Variants in MEIS2 observed in about 807,000 individuals in gnomAD.
The protein encoded by MEIS2 is Meis homeobox 2.
In MEIS2, 9 loss-of-function variants were observed where a neutral mutation model predicts 58.6. The observed-to-expected ratio is 0.15, with a 90% CI of 0.09 to 0.27. MEIS2 has a LOEUF of 0.27. MEIS2 is among the 10% of genes least tolerant of loss of function. The probability of loss-of-function intolerance (pLI) is 1.00; values close to 1 mark genes in which losing one functional copy is unlikely to be tolerated. For synonymous variants in MEIS2, 221 were observed against 228.4 expected, an observed-to-expected ratio of 0.97 and a Z score of 0.29; for missense variants, 427 against 635.0, an observed-to-expected ratio of 0.67 and a Z score of 3.52.
chr15:36,900,717 G>A (rs2056424971), intron 9 of MEIS2, among the ~76,000 whole-genome samples: 1 of 152,136 alleles, frequency 6.6e-6, no homozygotes, highest in African/African-American at 2.4e-5. Flanking sequence ...TCTAAACTTG[G>A]TAGCTTTGCA....
At chr15:37,085,406 T>C (rs552136804) in intron 6 of MEIS2, among the ~76,000 whole-genome samples, 4 of 152,330 alleles carry the variant, frequency 2.6e-5, no homozygotes, top group Admixed American at 2.0e-4. Flanking sequence ...ATGGATGATG[T>C]TACCAAAATA....
chr15:37,019,070 A>G (rs1292349019), intron 8 of MEIS2, among the ~76,000 whole-genome samples: 2 of 150,346 alleles, frequency 1.3e-5, no homozygotes, highest in Non-Finnish European at 3.0e-5. Flanking sequence ...TGAGAAGAGA[A>G]AAAGTAATTA....
chr15:37,000,010 G>A (rs2141593348), intron 8 of MEIS2, among the ~76,000 whole-genome samples: 1 of 152,222 alleles, frequency 6.6e-6, no homozygotes, highest in East Asian at 1.9e-4. Flanking sequence ...CCTCCCACAT[G>A]GAAACAAGTT....
rs898440309 is a variant in MEIS2 at position 37,035,241 on chromosome 15, G to A, written c.900+1573C>T. Among the ~76,000 whole-genome samples, 5 of 152,052 alleles carry A rather than the reference G, an allele frequency of 3.3e-5. No homozygotes were observed. In the East Asian group the frequency reaches 9.6e-4, roughly 29 times the overall value. ...GAAACCCCTCCCCTCACAGTCACTC[G>A]ACTTCCAAATTAAAAACATTTTACA... On this transcript the variant is annotated intron_variant, in intron 8 of 11. Coordinates refer to ENST00000561208, the MANE Select transcript of MEIS2 (RefSeq NM_170675.5).
At chr15:37,011,500 G>C (rs2061152335) in intron 8 of MEIS2, among the ~76,000 whole-genome samples, 1 of 151,188 alleles carries the variant, frequency 6.6e-6, no homozygotes, top group African/African-American at 2.4e-5. Context: ...CTGATAATAT[G>C]ATAGAAACTG....
At chr15:36,957,240 A>T (rs2059014887) in intron 8 of MEIS2, among the ~76,000 whole-genome samples, 1 of 152,198 alleles carries the variant, frequency 6.6e-6, no homozygotes. Flanking sequence ...TTTTTTGTGT[A>T]AAGTTGAAAC....
At chr15:37,035,905 T>C (rs1412980539) in intron 8 of MEIS2, among the ~76,000 whole-genome samples, 1 of 152,230 alleles carries the variant, frequency 6.6e-6, no homozygotes, top group Non-Finnish European at 1.5e-5. Flanking sequence ...GACCTTCAGC[T>C]TTCAATGTGC....
intron 7 of MEIS2, among the ~76,000 whole-genome samples, chr15:37,075,561 T>C (rs1028780926): frequency 2.0e-5 from 3 of 152,090 alleles, no homozygotes; most frequent in South Asian, 2.1e-4. Flanking sequence ...GATCAACTTA[T>C]ACATCTTAAA....
chr15:36,992,925 C>T (rs971355137), intron 8 of MEIS2, among the ~76,000 whole-genome samples: 3 of 152,006 alleles, frequency 2.0e-5, no homozygotes, highest in East Asian at 3.9e-4. Context: ...AAAACATAAA[C>T]GAATCCCAAA....
intron 9 of MEIS2, among the ~76,000 whole-genome samples, chr15:36,906,490 G>T (rs2056742828): frequency 6.6e-6 from 1 of 152,082 alleles, no homozygotes; most frequent in East Asian, 1.9e-4. Context: ...ATAAGTCTGA[G>T]AATTTATGTT....
At chr15:37,050,294 G>A (rs2062860485) in intron 7 of MEIS2, among the ~76,000 whole-genome samples, 1 of 152,030 alleles carries the variant, frequency 6.6e-6, no homozygotes, top group East Asian at 1.9e-4. Flanking sequence ...CATATTCTTA[G>A]AACTTCATAT....
intron 11 of MEIS2, chr15:36,894,303 C>T (rs2056050757): frequency 1.3e-5 from 2 of 158,730 alleles, no homozygotes; most frequent in Admixed American, 6.0e-5. Flanking sequence ...CGTATTCTGA[C>T]AGATTTATGT....
intron 8 of MEIS2, among the ~76,000 whole-genome samples, chr15:36,967,327 GGT>G (rs2059388667): frequency 6.6e-6 from 1 of 152,136 alleles, no homozygotes; most frequent in African/African-American, 2.4e-5. Context: ...AATTGAATGA[GGT>G]GAGATAGGAT....
At chr15:37,009,060 C>T (rs372684835) in intron 8 of MEIS2, among the ~76,000 whole-genome samples, 8 of 152,176 alleles carry the variant, frequency 5.3e-5, no homozygotes, top group African/African-American at 1.4e-4. Flanking sequence ...GAGGCCGAGG[C>T]GGGCAGATCA....
chr15:37,065,146 A>C (rs1057281580), intron 7 of MEIS2, among the ~76,000 whole-genome samples: 2 of 152,224 alleles, frequency 1.3e-5, no homozygotes, highest in African/African-American at 4.8e-5. Flanking sequence ...TCAAAAGTGC[A>C]TAATGTAAAT....
chr15:36,971,471 T>C (rs2059555030), intron 8 of MEIS2, among the ~76,000 whole-genome samples: 1 of 140,414 alleles, frequency 7.1e-6, no homozygotes, highest in African/African-American at 2.7e-5. Flanking sequence ...CGTAAGAAAC[T>C]GGCTTGGAAC....
chr15:37,082,619 A>G (rs1298397958), intron 7 of MEIS2, among the ~76,000 whole-genome samples: 2 of 152,226 alleles, frequency 1.3e-5, no homozygotes, highest in Non-Finnish European at 2.9e-5. Context: ...TATATATTAT[A>G]TAGGTGCAAG....
intron 7 of MEIS2, among the ~76,000 whole-genome samples, chr15:37,077,472 A>G (rs752311837): frequency 6.6e-6 from 1 of 152,128 alleles, no homozygotes; most frequent in Non-Finnish European, 1.5e-5. Context: ...GCCAGTTGTC[A>G]GATTTCACTT....
intron 7 of MEIS2, among the ~76,000 whole-genome samples, chr15:37,080,421 G>A (rs1156452252): frequency 1.3e-5 from 2 of 152,084 alleles, no homozygotes; most frequent in Non-Finnish European, 2.9e-5. Context: ...GTTAATGGGA[G>A]CTACACAAAC....
Sources: gnomAD v4.1 joint callset for allele counts (sites outside exome capture counted in the v4.1 genomes callset) on GRCh38, gnomAD v4.1.1 for gene constraint, MANE v1.5 for transcripts, NCBI Gene and HGNC (gene_info 2026-07-23, HGNC 2026-07-21) for gene names.